Variants in DPP10 observed in about 807,000 individuals in gnomAD.
The protein encoded by DPP10 is inactive dipeptidyl peptidase 10.
In DPP10, 33 loss-of-function variants were observed where a neutral mutation model predicts 120.9. The ratio of observed to expected loss-of-function variants is 0.27; its 90% confidence interval spans 0.21 to 0.37. DPP10 has a LOEUF of 0.37. Ranked by LOEUF, DPP10 falls within the 10% of genes least tolerant of loss-of-function variation. DPP10 has a pLI of 1.00. For missense variants in DPP10, 816 were observed against 942.8 expected, an observed-to-expected ratio of 0.87 and a Z score of 1.76; for synonymous variants, 337 against 326.1, an observed-to-expected ratio of 1.03 and a Z score of -0.36.
intron 5 of DPP10, among the ~76,000 whole-genome samples, chr2:115,612,113 A>G (rs1245587474): frequency 6.6e-6 from 1 of 152,172 alleles, no homozygotes; most frequent in Non-Finnish European, 1.5e-5. Flanking sequence ...TCAGGGAACT[A>G]TTCTGAAATA....
At chr2:114,459,190 A>G (rs188514237) in intron 1 of DPP10, among the ~76,000 whole-genome samples, 22 of 152,306 alleles carry the variant, frequency 1.4e-4, no homozygotes, top group Admixed American at 1.2e-3. Context: ...GCCGTTCCCT[A>G]TATCATGCTG....
chr2:114,949,941 C>A (rs1050480087), intron 1 of DPP10, among the ~76,000 whole-genome samples: 9 of 152,230 alleles, frequency 5.9e-5, no homozygotes, highest in Admixed American at 5.2e-4. Context: ...TGTGGCATCT[C>A]CTTTAAGATA....
chr2:114,540,805 T>C (rs1686888722), intron 1 of DPP10, among the ~76,000 whole-genome samples: 1 of 152,230 alleles, frequency 6.6e-6, no homozygotes, highest in Non-Finnish European at 1.5e-5. Flanking sequence ...CCCTTGCCTC[T>C]GCTTATACGC....
At chr2:115,614,125 G>A (rs963683000) in intron 5 of DPP10, among the ~76,000 whole-genome samples, 1 of 152,196 alleles carries the variant, frequency 6.6e-6, no homozygotes, top group Non-Finnish European at 1.5e-5. Flanking sequence ...TGGGATAGGA[G>A]CAGATAACCA....
intron 1 of DPP10, among the ~76,000 whole-genome samples, chr2:114,649,128 G>A (rs1265188645): frequency 6.6e-6 from 1 of 152,116 alleles, no homozygotes; most frequent in East Asian, 1.9e-4. Flanking sequence ...TAAGTCTCCT[G>A]AACATTTAAC....
chr2:114,947,919 C>G (rs1697487170), intron 1 of DPP10, among the ~76,000 whole-genome samples: 1 of 151,922 alleles, frequency 6.6e-6, no homozygotes, highest in Non-Finnish European at 1.5e-5. Context: ...TCTCCCCTCC[C>G]CACCTTATCT....
chr2:115,238,538 T>A (rs2058110559), intron 1 of DPP10, among the ~76,000 whole-genome samples: 1 of 152,110 alleles, frequency 6.6e-6, no homozygotes, highest in Admixed American at 6.6e-5. Context: ...TGACTTTGAG[T>A]GGCTCGAGAC....
intron 1 of DPP10, among the ~76,000 whole-genome samples, chr2:115,018,985 C>T (rs1383716855): frequency 3.3e-5 from 5 of 151,940 alleles, no homozygotes; most frequent in Admixed American, 6.6e-5. Flanking sequence ...GGAGCCACAG[C>T]TGCTGCAGCA....
intron 3 of DPP10, among the ~76,000 whole-genome samples, chr2:115,377,658 T>TTTTCTTCTAGGG: frequency 6.6e-6 from 1 of 152,124 alleles, no homozygotes; most frequent in East Asian, 1.9e-4. Flanking sequence ...AATGCCTAGG[T>TTTTCTTCTAGGG]TTTCTTCTAG....
intron 1 of DPP10, among the ~76,000 whole-genome samples, chr2:115,196,680 C>T (rs1253553719): frequency 6.6e-6 from 1 of 152,026 alleles, no homozygotes; most frequent in Non-Finnish European, 1.5e-5. Flanking sequence ...TTTATTACCA[C>T]TGTAAGTGCA....
At chr2:115,637,073 G>T (rs893898877) in intron 5 of DPP10, among the ~76,000 whole-genome samples, 3 of 151,976 alleles carry the variant, frequency 2.0e-5, no homozygotes, top group African/African-American at 7.2e-5. Context: ...CAGATAATCT[G>T]GGATAAGCCA....
At position 114,958,774 on chromosome 2, in the gene DPP10, TTATAATA is replaced by T. The variant is rs1215612550; in HGVS notation, c.61-350464_61-350458del. Reference sequence around the variant, plus strand: ...AGCCTCACTGTTTAATTGAATGTTTTTATAATAAGCCAGTATAATAGATTTGATATTA... The same window carrying T: ...AGCCTCACTGTTTAATTGAATGTTTTAGCCAGTATAATAGATTTGATATTA... On this transcript the variant is annotated intron_variant, in intron 1 of 25. Coordinates refer to ENST00000410059, the MANE Select transcript of DPP10 (RefSeq NM_020868.6). Among the ~76,000 whole-genome samples, 11 of 152,334 alleles carry T rather than the reference TTATAATA, an allele frequency of 7.2e-5. 1 individual carries two copies. The highest frequency in any genetic ancestry group is 3.4e-3 in the Middle Eastern group (1 of 294).
intron 1 of DPP10, among the ~76,000 whole-genome samples, chr2:114,523,299 G>A (rs1393589082): frequency 6.6e-6 from 1 of 152,156 alleles, no homozygotes; most frequent in Non-Finnish European, 1.5e-5. Flanking sequence ...TGTTCAATAG[G>A]GAAGGGATAA....
In DPP10 at chr2:115,006,469, A is replaced by G. The variant is rs528857309; in HGVS notation, c.61-302770A>G. Among the ~76,000 whole-genome samples, 464 of 151,696 alleles carry G rather than the reference A, an allele frequency of 3.1e-3. 3 individuals carry two copies. Among genetic ancestry groups the G allele is most frequent in the African/African-American group, 0.011 (438 of 41,346 alleles). On this transcript the variant is annotated intron_variant, in intron 1 of 25. Coordinates refer to ENST00000410059, the MANE Select transcript of DPP10 (RefSeq NM_020868.6). ...CCCATCAGTGTGCTGTATTCAGGAA[A>G]CCCATCTCACATGCAGAGACACACA... is the stretch of plus-strand genomic sequence containing the variant.
intron 1 of DPP10, among the ~76,000 whole-genome samples, chr2:114,571,653 A>G (rs556837597): frequency 4.9e-4 from 75 of 152,162 alleles, no homozygotes; most frequent in Admixed American, 3.2e-3. Context: ...TGTGCTTTCT[A>G]TTGATGAAAA....
intron 1 of DPP10, among the ~76,000 whole-genome samples, chr2:114,670,351 TA>T (rs1698243211): frequency 6.6e-6 from 1 of 152,080 alleles, no homozygotes; most frequent in South Asian, 2.1e-4. Flanking sequence ...TATGCAGCCA[TA>T]AAAAAGGATG....
At chr2:115,361,812 G>C (rs1285975959) in intron 3 of DPP10, among the ~76,000 whole-genome samples, 2 of 151,944 alleles carry the variant, frequency 1.3e-5, no homozygotes, top group Non-Finnish European at 2.9e-5. Context: ...TGGACTTTCA[G>C]TTTTCTCCCA....
intron 1 of DPP10, among the ~76,000 whole-genome samples, chr2:115,123,814 A>G (rs1214529557): frequency 6.6e-6 from 1 of 152,120 alleles, no homozygotes; most frequent in Non-Finnish European, 1.5e-5. Context: ...TTTAAATATT[A>G]ATGTGTTAAT....
At position 115,526,023 on chromosome 2, in the gene DPP10, T is replaced by A. The variant is rs1370528324; in HGVS notation, c.441+51T>A. On this transcript the variant is annotated intron_variant, in intron 5 of 25. Coordinates refer to ENST00000410059, the MANE Select transcript of DPP10 (RefSeq NM_020868.6). ...TACTTTTCTTTGTGATGCATTGGGGTGACAATGCATAATTTTACTCAGCTA... is the reference window on the plus strand; with the variant it reads ...TACTTTTCTTTGTGATGCATTGGGGAGACAATGCATAATTTTACTCAGCTA... 3 of 1,427,686 alleles carry A rather than the reference T, an allele frequency of 2.1e-6. No homozygotes were observed. In the South Asian group the frequency reaches 3.7e-5, roughly 18 times the overall value. 88.4% of individuals were successfully genotyped at this position (1,427,686 alleles called of 1,614,324 possible).
Sources: gnomAD v4.1 joint callset for allele counts (sites outside exome capture counted in the v4.1 genomes callset) on GRCh38, gnomAD v4.1.1 for gene constraint, MANE v1.5 for transcripts, NCBI Gene and HGNC (gene_info 2026-07-23, HGNC 2026-07-21) for gene names.